FKBP15: variants seen among roughly 807,000 people sequenced by gnomAD.
FKBP15 encodes FK506-binding protein 15.
A neutral mutation model predicts 158.1 loss-of-function variants in FKBP15; 106 were observed. That is an observed-to-expected ratio of 0.67 (90% CI 0.57 to 0.79). The LOEUF (loss-of-function observed/expected upper bound fraction) is 0.79, where lower values mean the gene tolerates loss of function less well. Ranked by LOEUF, FKBP15 falls within the 30% of genes least tolerant of loss-of-function variation. The pLI, the probability that FKBP15 is intolerant of heterozygous loss-of-function variation, is 0.00. For missense variants in FKBP15, 1,287 were observed against 1,479.1 expected, an observed-to-expected ratio of 0.87 and a Z score of 2.13; for synonymous variants, 547 against 548.6, an observed-to-expected ratio of 1.00 and a Z score of 0.04.
At chr9:113,218,520 T>C (rs533111851) in intron 1 of FKBP15, among the ~76,000 whole-genome samples, 2 of 152,006 alleles carry the variant, frequency 1.3e-5, no homozygotes, top group Admixed American at 1.3e-4. Context: ...GTGTATGGCA[T>C]TAAGTAAGCA....
intron 11 of FKBP15, among the ~76,000 whole-genome samples, chr9:113,191,230 T>C (rs1830568669): frequency 6.6e-6 from 1 of 151,870 alleles, no homozygotes. Context: ...TGGAGTGCAG[T>C]GGCGTGATCT....
chr9:113,201,455 C>G (rs1454118958), intron 6 of FKBP15, among the ~76,000 whole-genome samples: 3 of 152,116 alleles, frequency 2.0e-5, no homozygotes, highest in African/African-American at 7.2e-5. Flanking sequence ...GTTTGTGTCC[C>G]CTCCGAATAC....
chr9:113,183,263 G>A (rs1305237569), intron 18 of FKBP15, among the ~76,000 whole-genome samples: 2 of 152,090 alleles, frequency 1.3e-5, no homozygotes, highest in African/African-American at 4.8e-5. Flanking sequence ...TAAGTGAAAT[G>A]CTGTGTTGTG....
rs556961156 is a variant in FKBP15, at chr9:113,201,410, T to C, written c.498+1121A>G. 5.9e-5 allele frequency among the ~76,000 whole-genome samples: 9 copies of C among 152,302 alleles called. No individual in the cohort carries two copies. The South Asian group carries it at 1.9e-3, about 32-fold the overall frequency. On this transcript the variant is annotated intron_variant, in intron 6 of 27. Coordinates refer to ENST00000238256, the MANE Select transcript of FKBP15 (RefSeq NM_015258.2). The stretch of plus-strand genomic sequence containing the variant: ...TAAATGCACAACATAAGGTAATGAT[T>C]ACATCAATTAAGAAACAAATGTTAT...
chr9:113,207,162 T>C, intron 3 of FKBP15, 50 bp downstream of exon 3: 3 of 1,432,802 alleles, frequency 2.1e-6, no homozygotes, highest in Non-Finnish European at 2.9e-6. Flanking sequence ...GTAGCTTAAC[T>C]GCACGCCCTT....
intron 9 of FKBP15, among the ~76,000 whole-genome samples, chr9:113,195,622 T>G (rs1830661916): frequency 6.6e-6 from 1 of 152,186 alleles, no homozygotes; most frequent in African/African-American, 2.4e-5. Flanking sequence ...CTGTGACAGG[T>G]GTAAACAGCC....
At chr9:113,199,718 G>T in intron 7 of FKBP15, 96 bp downstream of exon 7, 1 of 1,273,390 alleles carries the variant, frequency 7.9e-7, no homozygotes, top group South Asian at 1.6e-5. Flanking sequence ...ATTTCTATTT[G>T]ACAACAGCAG....
intron 4 of FKBP15, among the ~76,000 whole-genome samples, chr9:113,205,377 A>T (rs564697154): frequency 3.3e-5 from 5 of 152,352 alleles, no homozygotes; most frequent in Non-Finnish European, 5.9e-5. Flanking sequence ...ACATCTCTCC[A>T]CAGAAAATAC....
At chr9:113,167,644 G>C (rs1830118321) in intron 27 of FKBP15, among the ~76,000 whole-genome samples, 1 of 152,148 alleles carries the variant, frequency 6.6e-6, no homozygotes, top group African/African-American at 2.4e-5. Flanking sequence ...TGATACATGA[G>C]GGGACAAAAT....
chr9:113,206,712 ATTT>A (rs35902681), intron 3 of FKBP15, 134 bp from the exon 4 acceptor site: 5,037 of 286,982 alleles, frequency 0.018, no homozygotes, highest in East Asian at 0.055. Context: ...GCGGTTTAAA[ATTT>A]TTTTTTTTTT....
At chr9:113,209,434 T>C (rs183143067) in intron 2 of FKBP15, among the ~76,000 whole-genome samples, 3 of 152,320 alleles carry the variant, frequency 2.0e-5, no homozygotes, top group Admixed American at 1.3e-4. Flanking sequence ...TATAAAAGCA[T>C]AGCCTACTAG....
At position 113,188,020 on chromosome 9, in the gene FKBP15, C is replaced by T. The variant is rs371659287; in HGVS notation, c.1277-121G>A. On this transcript the variant is annotated intron_variant, in intron 13 of 27. Transcript: ENST00000238256. ...CTATTTTCCTTGCCTAGTCTCCCTA[C>T]ACTCAGCTCTACTGCAATCTCAGGA... is the stretch of plus-strand genomic sequence containing the variant. The T allele has an allele frequency of 1.8e-3, 1,336 of 742,360 alleles. 21 individuals are homozygous for T. The South Asian group carries it at 0.02, about 11-fold the overall frequency. The allele number at this position is 742,360 out of a possible 1,614,324, so 46.0% of individuals were successfully genotyped here.
chr9:113,168,477 C>CCTCCTCA lies in FKBP15; in HGVS notation c.3558_3564dup (p.Glu1189Ter). 6.2e-7 allele frequency: 1 copy of CCTCCTCA among 1,613,972 alleles called. No homozygotes were observed. The highest frequency in any genetic ancestry group is 1.1e-5 in the South Asian group (1 of 91,084). On this transcript the variant is annotated stop_gained and frameshift_variant, in exon 27 of 28. Coordinates refer to ENST00000238256, the MANE Select transcript of FKBP15 (RefSeq NM_015258.2). LOFTEE classifies it high-confidence loss of function. ...TTCCTTACCACCTCGTCTTCATCCTCCTCCTCAGGCTGTGCTTTGGGCCTC... is the reference window on the plus strand; with the variant it reads ...TTCCTTACCACCTCGTCTTCATCCTCCTCCTCACTCCTCAGGCTGTGCTTTGGGCCTC...
At chr9:113,218,622 A>G (rs1587981557) in intron 1 of FKBP15, among the ~76,000 whole-genome samples, 1 of 152,122 alleles carries the variant, frequency 6.6e-6, no homozygotes, top group African/African-American at 2.4e-5. Flanking sequence ...AGCATGCTTG[A>G]TTGACACGGA....
chr9:113,203,265 T>C (rs1830828044), intron 4 of FKBP15, among the ~76,000 whole-genome samples: 1 of 152,232 alleles, frequency 6.6e-6, no homozygotes, highest in Admixed American at 6.5e-5. Flanking sequence ...TGGCAATGTC[T>C]TCATTTTGTT....
At chr9:113,197,372 A>T (rs761834601) in intron 8 of FKBP15, among the ~76,000 whole-genome samples, 7 of 152,220 alleles carry the variant, frequency 4.6e-5, no homozygotes, top group Admixed American at 1.3e-4. Flanking sequence ...GCTATCATTA[A>T]AAAGCATGTT....
At position 113,163,709 on chromosome 9, in the gene FKBP15, GGAA is replaced by G. The variant is rs1283776494; in HGVS notation, c.*2366_*2368del. The G allele has an allele frequency of 6.8e-6, 1 of 147,532 alleles. No homozygotes were observed. The highest frequency in any genetic ancestry group is 2.7e-5 in the African/African-American group (1 of 36,866). 9.1% of individuals were successfully genotyped at this position (147,532 alleles called of 1,614,324 possible). ...CTTCCACCAGAAGGCACTGCCTGCA[GGAA>G]GAAGATGATCTGATGGCCGTGGGTG... On this transcript the variant is annotated 3_prime_UTR_variant, in exon 28 of 28. Coordinates refer to ENST00000238256, the MANE Select transcript of FKBP15 (RefSeq NM_015258.2).
intron 20 of FKBP15, among the ~76,000 whole-genome samples, chr9:113,178,082 T>C (rs924149795): frequency 2.0e-5 from 3 of 152,130 alleles, no homozygotes; most frequent in African/African-American, 7.2e-5. Context: ...TTGGTAATGG[T>C]GGGCATGTCA....
intron 19 of FKBP15, among the ~76,000 whole-genome samples, chr9:113,179,682 A>G (rs1830359299): frequency 6.6e-6 from 1 of 151,844 alleles, no homozygotes; most frequent in Admixed American, 6.6e-5. Context: ...AAAAAAAACA[A>G]GAAAACAAAA....
Sources: gnomAD v4.1 joint callset for allele counts (sites outside exome capture counted in the v4.1 genomes callset) on GRCh38, gnomAD v4.1.1 for gene constraint, MANE v1.5 for transcripts, NCBI Gene and HGNC (gene_info 2026-07-23, HGNC 2026-07-21) for gene names.